The following PARD3B variants were observed in gnomAD, a reference collection of about 807,000 sequenced individuals.
PARD3B encodes partitioning defective 3 homolog B.
Under a neutral mutation model 130.2 loss-of-function variants are expected in PARD3B, and 103 were observed. The observed-to-expected ratio is 0.79, with a 90% CI of 0.67 to 0.93. PARD3B has a LOEUF of 0.93. Among genes scored for constraint, PARD3B ranks in the 40% least tolerant of loss-of-function variants. PARD3B has a pLI of 0.00. For missense variants in PARD3B, 1,609 were observed against 1,499.2 expected, an observed-to-expected ratio of 1.07 and a Z score of -1.21; for synonymous variants, 583 against 553.2, an observed-to-expected ratio of 1.05 and a Z score of -0.76.
chr2:205,106,078 C>T (rs1279713193), intron 5 of PARD3B, among the ~76,000 whole-genome samples: 1 of 151,880 alleles, frequency 6.6e-6, no homozygotes, highest in Non-Finnish European at 1.5e-5. Context: ...AAGCTTTCTT[C>T]AGCTACAGGG....
At chr2:204,745,263 C>T (rs752049889) in intron 2 of PARD3B, among the ~76,000 whole-genome samples, 8 of 152,016 alleles carry the variant, frequency 5.3e-5, no homozygotes, top group East Asian at 1.9e-4. Context: ...TTGTGTTTTG[C>T]GGCTCTTCAA....
chr2:204,772,662 A>G (rs1559132969), intron 2 of PARD3B, among the ~76,000 whole-genome samples: 1 of 152,204 alleles, frequency 6.6e-6, no homozygotes. Flanking sequence ...TAATAGAAAA[A>G]TTAAATGTAC....
At chr2:204,837,372 A>T (rs941742186) in intron 2 of PARD3B, among the ~76,000 whole-genome samples, 20 of 151,928 alleles carry the variant, frequency 1.3e-4, no homozygotes, top group Non-Finnish European at 2.5e-4. Flanking sequence ...GACATAAAGG[A>T]TCCAAGATTT....
intron 1 of PARD3B, among the ~76,000 whole-genome samples, chr2:204,637,352 A>G (rs1162746872): frequency 6.6e-6 from 1 of 152,160 alleles, no homozygotes; most frequent in Admixed American, 6.6e-5. Context: ...GTCTTCAGTT[A>G]TTGTCCTACT....
intron 1 of PARD3B, among the ~76,000 whole-genome samples, chr2:204,651,794 T>A (rs970270920): frequency 4.6e-5 from 7 of 152,194 alleles, no homozygotes; most frequent in Admixed American, 1.3e-4. Context: ...TTACATTATC[T>A]GAAATCTAGG....
chr2:205,013,814 G>T (rs140445074), intron 3 of PARD3B, among the ~76,000 whole-genome samples: 1 of 152,290 alleles, frequency 6.6e-6, no homozygotes, highest in East Asian at 1.9e-4. Context: ...CAGAGTTCCT[G>T]TTGGGATGTG....
chr2:204,745,645 T>C (rs994206594), intron 2 of PARD3B, among the ~76,000 whole-genome samples: 1 of 152,098 alleles, frequency 6.6e-6, no homozygotes, highest in African/African-American at 2.4e-5. Context: ...TCAAGTGGTC[T>C]GCCTGTCTTA....
intron 2 of PARD3B, among the ~76,000 whole-genome samples, chr2:204,819,900 A>G (rs2043277929): frequency 6.6e-6 from 1 of 152,054 alleles, no homozygotes; most frequent in South Asian, 2.1e-4. Context: ...AAGCTGCAGA[A>G]GAAAAGTTGG....
In PARD3B at chr2:205,301,852, C is replaced by A; in HGVS notation, c.2630+151C>A. The A allele has an allele frequency of 8.1e-7, 1 of 1,242,200 alleles. No homozygotes were observed. The highest frequency in any genetic ancestry group is 1.2e-6 in the Non-Finnish European group (1 of 843,088). 76.9% of individuals were successfully genotyped at this position (1,242,200 alleles called of 1,614,324 possible). On this transcript the variant is annotated intron_variant, in intron 18 of 22. Coordinates refer to ENST00000406610, the MANE Select transcript of PARD3B (RefSeq NM_001302769.2). This position sits in a 1 kb window ranked among gnomAD's most constrained non-coding sequence, Gnocchi z 5.2. Reference sequence around the variant, plus strand: ...CAATTCTGTGCTCGTTCTCTTTCTGCAGAGGCAGAGGAGCTTTTTGGGGAA... The same window carrying A: ...CAATTCTGTGCTCGTTCTCTTTCTGAAGAGGCAGAGGAGCTTTTTGGGGAA...
intron 10 of PARD3B, among the ~76,000 whole-genome samples, chr2:205,136,827 T>A (rs1002409120): frequency 3.3e-5 from 5 of 152,222 alleles, no homozygotes; most frequent in Admixed American, 1.3e-4. Flanking sequence ...AGAATTGCCA[T>A]CTTCCACCTC....
At chr2:205,034,889 C>T (rs192843058) in intron 3 of PARD3B, among the ~76,000 whole-genome samples, 49 of 152,084 alleles carry the variant, frequency 3.2e-4, no homozygotes. Flanking sequence ...TGAAATCTTG[C>T]TCTGTCACCC....
At chr2:204,660,729 TA>T (rs1439138402) in intron 1 of PARD3B, among the ~76,000 whole-genome samples, 1 of 152,192 alleles carries the variant, frequency 6.6e-6, no homozygotes, top group Non-Finnish European at 1.5e-5. Context: ...TCTGTGAAAT[TA>T]TTTTTTTGTT....
At chr2:205,383,878 A>G (rs546113943) in intron 18 of PARD3B, among the ~76,000 whole-genome samples, 1 of 152,138 alleles carries the variant, frequency 6.6e-6, no homozygotes, top group Non-Finnish European at 1.5e-5. Context: ...TGTGAGTAGT[A>G]TACTGTTGCA....
intron 2 of PARD3B, among the ~76,000 whole-genome samples, chr2:204,964,556 T>G (rs1329919012): frequency 1.3e-5 from 2 of 152,094 alleles, no homozygotes; most frequent in Non-Finnish European, 2.9e-5. Flanking sequence ...GAGTCAGTCA[T>G]GAAGGAAAAG....
chr2:205,417,851 C>T (rs775733660), intron 19 of PARD3B, among the ~76,000 whole-genome samples: 7 of 152,204 alleles, frequency 4.6e-5, no homozygotes, highest in Admixed American at 1.3e-4. Flanking sequence ...TGGCCTTCTC[C>T]GGGAACCCCC....
intron 1 of PARD3B, among the ~76,000 whole-genome samples, chr2:204,644,416 T>G (rs1420038011): frequency 1.3e-5 from 2 of 152,188 alleles, no homozygotes; most frequent in African/African-American, 4.8e-5. Flanking sequence ...GTGCCCATTT[T>G]GCTTTCATGT....
At chr2:204,705,015 A>T (rs2125284909) in intron 2 of PARD3B, among the ~76,000 whole-genome samples, 1 of 152,312 alleles carries the variant, frequency 6.6e-6, no homozygotes, top group African/African-American at 2.4e-5. Context: ...CTTAAATAAA[A>T]GGTTAAGCTG....
chr2:205,081,709 G>A (rs1323539781), intron 4 of PARD3B, among the ~76,000 whole-genome samples: 2 of 151,986 alleles, frequency 1.3e-5, no homozygotes, highest in African/African-American at 4.8e-5. Flanking sequence ...GTTAAATCAA[G>A]TTTGCATTCC....
chr2:204,575,909 T>C (rs2032234152), intron 1 of PARD3B, among the ~76,000 whole-genome samples: 1 of 152,200 alleles, frequency 6.6e-6, no homozygotes, highest in South Asian at 2.1e-4. Flanking sequence ...ATTTGGTTGC[T>C]CAGGCGGTTC....
Sources: allele counts gnomAD v4.1 joint callset (sites outside exome capture counted in the v4.1 genomes callset), GRCh38; gene constraint gnomAD v4.1.1; non-coding constraint Gnocchi (gnomAD v3.1); transcripts MANE v1.5; gene names NCBI Gene and HGNC (gene_info 2026-07-23, HGNC 2026-07-21).